Variants in PIGP observed in about 807,000 individuals in gnomAD.
PIGP encodes phosphatidylinositol N-acetylglucosaminyltransferase subunit P.
A neutral mutation model predicts 16.9 loss-of-function variants in PIGP; 12 were observed. That is an observed-to-expected ratio of 0.71 (90% confidence interval 0.46 to 1.15). PIGP has a LOEUF of 1.15. Ranked by LOEUF, PIGP falls within the 50% of genes most tolerant of loss-of-function variation. The probability of loss-of-function intolerance (pLI) is 0.00; values close to 1 mark genes in which losing one functional copy is unlikely to be tolerated. For synonymous variants in PIGP, 57 were observed against 54.7 expected, an observed-to-expected ratio of 1.04 and a Z score of -0.18; for missense variants, 159 against 153.5, an observed-to-expected ratio of 1.04 and a Z score of -0.19.
At chr21:37,071,100 T>C (rs1360492001) in intron 2 of PIGP, among the ~76,000 whole-genome samples, 1 of 152,264 alleles carries the variant, frequency 6.6e-6, no homozygotes, top group Non-Finnish European at 1.5e-5. Flanking sequence ...TTTATTCATA[T>C]AGCTTCTAAT....
chr21:37,072,355 C>A (rs529125537), intron 2 of PIGP, 79 bp downstream of exon 2: 2 of 1,600,536 alleles, frequency 1.2e-6, no homozygotes, highest in East Asian at 4.5e-5. Flanking sequence ...TTCATGTGTG[C>A]ACAGTCTAAC....
At position 37,072,522 on chromosome 21, in the gene PIGP, T is replaced by A. The variant is rs375239991; in HGVS notation, c.-7A>T. On this transcript the variant is annotated 5_prime_UTR_variant, in exon 2 of 5. Transcript: ENST00000360525. The stretch of plus-strand genomic sequence containing the variant: ...ACGGTGAATTTTCCACCATTTTTCC[T>A]GGGGCTTTAGACAATCTGTGGAAAA... The A allele has an allele frequency of 2.0e-5, 32 of 1,614,250 alleles. No homozygotes were observed. In the African/African-American group the frequency reaches 3.5e-4, roughly 17 times the overall value.
chr21:37,067,418 T>TA (rs202237435), intron 3 of PIGP, 38 bp from the exon 4 acceptor site: 15,735 of 1,167,690 alleles, frequency 0.013, 201 homozygotes, highest in African/African-American at 0.04. Flanking sequence ...ATAGACACTT[T>TA]AAAAAAGTTG....
At chr21:37,072,325 T>G (rs770927645) in intron 2 of PIGP, 109 bp downstream of exon 2, 1 of 1,597,098 alleles carries the variant, frequency 6.3e-7, no homozygotes. Context: ...AAAAGAGACA[T>G]AGGGAGAAAG....
intron 3 of PIGP, 59 bp downstream of exon 3, chr21:37,069,493 A>G: frequency 9.8e-7 from 1 of 1,016,502 alleles, no homozygotes; most frequent in Non-Finnish European, 1.5e-6. Context: ...TTAAGAAATG[A>G]TATGACTCCT....
In PIGP at chr21:37,072,532, G is replaced by A. The variant is rs1324483014; in HGVS notation, c.-17C>T. On this transcript the variant is annotated 5_prime_UTR_variant, in exon 2 of 5. Transcript: ENST00000360525. ...TTCCACCATTTTTCCTGGGGCTTTAGACAATCTGTGGAAAAGGAACACAAT... is the reference window on the plus strand; with the variant it reads ...TTCCACCATTTTTCCTGGGGCTTTAAACAATCTGTGGAAAAGGAACACAAT... 3 of 1,614,098 alleles carry A rather than the reference G, an allele frequency of 1.9e-6. No individual in the cohort carries two copies. In the African/African-American group the frequency reaches 4.0e-5, roughly 22 times the overall value.
intron 2 of PIGP, chr21:37,072,114 T>C: frequency 1.1e-6 from 1 of 899,830 alleles, no homozygotes. Flanking sequence ...TCCCTGACAC[T>C]CATCACACTG....
chr21:37,071,864 G>A (rs1467766640), intron 2 of PIGP, among the ~76,000 whole-genome samples: 1 of 152,140 alleles, frequency 6.6e-6, no homozygotes, highest in Non-Finnish European at 1.5e-5. Flanking sequence ...GATCCAGGAC[G>A]CAAACGACAC....
intron 3 of PIGP, among the ~76,000 whole-genome samples, chr21:37,068,968 C>A (rs1305868180): frequency 2.4e-4 from 36 of 152,164 alleles, no homozygotes; most frequent in Non-Finnish European, 1.5e-5. Context: ...TTAACCTTGC[C>A]AGAGAGTAAA....
At chr21:37,071,531 G>A (rs928579047) in intron 2 of PIGP, among the ~76,000 whole-genome samples, 1 of 152,148 alleles carries the variant, frequency 6.6e-6, no homozygotes. Flanking sequence ...GTCAGAATTC[G>A]AACTCAGTTG....
At chr21:37,071,839 G>T (rs1378631263) in intron 2 of PIGP, among the ~76,000 whole-genome samples, 1 of 152,108 alleles carries the variant, frequency 6.6e-6, no homozygotes, top group African/African-American at 2.4e-5. Context: ...AATGTTATGG[G>T]GTTAAATTAA....
chr21:37,066,000 G>A (rs142368519), intron 4 of PIGP, among the ~76,000 whole-genome samples: 3,912 of 152,074 alleles, frequency 0.026, 153 homozygotes, highest in African/African-American at 0.087. Flanking sequence ...GGAGAACAGC[G>A]TGAACCCAGG....
At chr21:37,069,459 C>A in intron 3 of PIGP, 93 bp downstream of exon 3, 1 of 723,702 alleles carries the variant, frequency 1.4e-6, no homozygotes, top group Admixed American at 3.0e-5. Flanking sequence ...TTTAAGAGAA[C>A]AAATATTTAA....
chr21:37,070,420 A>G (rs1176223060), intron 2 of PIGP, among the ~76,000 whole-genome samples: 1 of 152,180 alleles, frequency 6.6e-6, no homozygotes, highest in Admixed American at 6.5e-5. Flanking sequence ...TGCCCTCCCT[A>G]AACTTAAAAT....
downstream of PIGP, chr21:37,065,368 C>G: frequency 2.9e-6 from 1 of 348,462 alleles, no homozygotes; most frequent in Non-Finnish European, 5.1e-6. Context: ...TTTTTTAAGT[C>G]TGCTATATGG....
chr21:37,068,764 T>G (rs1395028247), intron 3 of PIGP, among the ~76,000 whole-genome samples: 1 of 152,220 alleles, frequency 6.6e-6, no homozygotes, highest in Admixed American at 6.5e-5. Context: ...CTGGTCAGCT[T>G]CCTCAGGAAA....
At chr21:37,072,757 G>T (rs1193830763) in intron 1 of PIGP, 17 of 663,302 alleles carry the variant, frequency 2.6e-5, no homozygotes, top group Middle Eastern at 4.2e-4. Context: ...AGGGAGGGGG[G>T]TTCTGGGGCG....
intron 4 of PIGP, 106 bp from the exon 5 acceptor site, chr21:37,065,818 G>C (rs2069893233): frequency 1.2e-6 from 1 of 828,430 alleles, no homozygotes; most frequent in Non-Finnish European, 1.9e-6. Context: ...CGTTTGGATA[G>C]TGACAAACAT....
intron 3 of PIGP, among the ~76,000 whole-genome samples, chr21:37,069,090 C>A (rs188197952): frequency 6.6e-6 from 1 of 152,282 alleles, no homozygotes; most frequent in Admixed American, 6.5e-5. Context: ...CAGTTCAACC[C>A]AGAATTAAAG....
Sources: allele counts gnomAD v4.1 joint callset (sites outside exome capture counted in the v4.1 genomes callset), GRCh38; gene constraint gnomAD v4.1.1; transcripts MANE v1.5; gene names NCBI Gene and HGNC (gene_info 2026-07-23, HGNC 2026-07-21).